The following FCHSD2 variants were observed in gnomAD, a reference collection of about 807,000 sequenced individuals.
FCHSD2 encodes the protein FCH and double SH3 domains 2.
FCHSD2 carries 38 observed loss-of-function variants against 108.1 expected under a neutral mutation model. The ratio of observed to expected loss-of-function variants is 0.35; its 90% CI spans 0.27 to 0.46. FCHSD2 has a LOEUF of 0.46. Among genes scored for constraint, FCHSD2 ranks in the 20% least tolerant of loss-of-function variants. FCHSD2 has a pLI of 1.00. For missense variants in FCHSD2, 751 were observed against 897.8 expected, an observed-to-expected ratio of 0.84 and a Z score of 2.09; for synonymous variants, 279 against 314.7, an observed-to-expected ratio of 0.89 and a Z score of 1.20.
intron 2 of FCHSD2, among the ~76,000 whole-genome samples, chr11:73,128,489 A>G (rs1860912169): frequency 6.6e-6 from 1 of 152,156 alleles, no homozygotes; most frequent in South Asian, 2.1e-4. Flanking sequence ...AAACACAGAT[A>G]ATGAAATATA....
At chr11:72,949,878 T>C (rs1856590284) in intron 8 of FCHSD2, among the ~76,000 whole-genome samples, 1 of 152,238 alleles carries the variant, frequency 6.6e-6, no homozygotes, top group Non-Finnish European at 1.5e-5. Context: ...TTTTCAGTTC[T>C]CTTGGGTATA....
intron 8 of FCHSD2, among the ~76,000 whole-genome samples, chr11:72,938,587 T>A (rs905513854): frequency 1.3e-5 from 2 of 152,122 alleles, no homozygotes; most frequent in Admixed American, 1.3e-4. Flanking sequence ...GGTGAGCAGA[T>A]CACAGCATCT....
intron 13 of FCHSD2, among the ~76,000 whole-genome samples, chr11:72,857,251 ACT>A (rs1292641971): frequency 6.6e-6 from 1 of 151,664 alleles, no homozygotes; most frequent in Non-Finnish European, 1.5e-5. Flanking sequence ...TTCCTCTTCC[ACT>A]CTCTTAACTG....
chr11:72,898,714 T>C (rs896954894), intron 10 of FCHSD2, among the ~76,000 whole-genome samples: 13 of 140,680 alleles, frequency 9.2e-5, no homozygotes, highest in Non-Finnish European at 1.4e-4. Context: ...GCAAAGCAAA[T>C]TGCTTTTCTT....
intron 3 of FCHSD2, among the ~76,000 whole-genome samples, chr11:73,082,661 T>G (rs947067497): frequency 6.6e-6 from 1 of 152,170 alleles, no homozygotes; most frequent in South Asian, 2.1e-4. Flanking sequence ...GCAGCAATAG[T>G]GGTTACCATG....
chr11:72,942,299 T>G (rs1007009785), intron 8 of FCHSD2, among the ~76,000 whole-genome samples: 1 of 152,270 alleles, frequency 6.6e-6, no homozygotes, highest in African/African-American at 2.4e-5. Context: ...GTAAGTTTCC[T>G]GAGGCCTCAC....
chr11:72,911,227 C>A (rs770997567), intron 9 of FCHSD2, among the ~76,000 whole-genome samples: 1 of 152,198 alleles, frequency 6.6e-6, no homozygotes, highest in Non-Finnish European at 1.5e-5. Context: ...TTCTCCAGCA[C>A]CATTTATTGA....
intron 5 of FCHSD2, among the ~76,000 whole-genome samples, chr11:72,992,490 C>G (rs1471728916): frequency 6.6e-6 from 1 of 152,188 alleles, no homozygotes; most frequent in Non-Finnish European, 1.5e-5. Flanking sequence ...AGGCATCACA[C>G]TACCTGACTT....
intron 3 of FCHSD2, chr11:73,077,792 C>A: frequency 1.8e-5 from 5 of 271,782 alleles, no homozygotes; most frequent in South Asian, 1.3e-4. Context: ...CAGGAAAACT[C>A]TGGGGGCTTA....
At chr11:73,079,576 G>T (rs1339590134) in intron 3 of FCHSD2, among the ~76,000 whole-genome samples, 12 of 152,114 alleles carry the variant, frequency 7.9e-5, no homozygotes, top group Admixed American at 7.9e-4. Context: ...AAATAAGCCT[G>T]AAATAATCAA....
intron 9 of FCHSD2, 57 bp from the exon 10 acceptor site, chr11:72,902,695 A>T: frequency 9.6e-7 from 1 of 1,045,402 alleles, no homozygotes; most frequent in South Asian, 1.5e-5. Context: ...GTCCAATTAC[A>T]TTATAAAGTT....
intron 3 of FCHSD2, among the ~76,000 whole-genome samples, chr11:73,047,971 G>C (rs531269701): frequency 6.6e-6 from 1 of 152,028 alleles, no homozygotes. Context: ...GTTAACAAAT[G>C]GTGGAGCCAT....
chr11:73,121,160 TATACAC>T (rs761359286), intron 2 of FCHSD2, among the ~76,000 whole-genome samples: 29 of 150,192 alleles, frequency 1.9e-4, no homozygotes, highest in Non-Finnish European at 1.5e-5. Flanking sequence ...CTCTCTCTCT[TATACAC>T]ATACACATAC....
Position 72,858,166 on chromosome 11 carries a change from G to A in FCHSD2, c.1309-8277C>T, listed in dbSNP as rs533720545. Among the ~76,000 whole-genome samples the A allele has an allele frequency of 3.3e-5, 5 of 152,330 alleles. No individual in the cohort carries two copies. The South Asian group carries it at 1.0e-3, about 32-fold the overall frequency. On this transcript the variant is annotated intron_variant, in intron 13 of 19. Transcript: ENST00000409418. ...GTAATACCTAATACAGAGGAAGACA[G>A]CTCCTCAATATTTACTAATAGAATC...
At chr11:72,984,247 C>A (rs1255555877) in intron 7 of FCHSD2, 31 bp from the exon 8 acceptor site, 8 of 1,605,408 alleles carry the variant, frequency 5.0e-6, no homozygotes, top group Non-Finnish European at 6.8e-6. Context: ...ATAATCAGTG[C>A]AAACTGATAT....
At chr11:73,052,427 C>A (rs1858922535) in intron 3 of FCHSD2, among the ~76,000 whole-genome samples, 1 of 151,896 alleles carries the variant, frequency 6.6e-6, no homozygotes. Flanking sequence ...AAAAAAGACA[C>A]CTGTCTAAAC....
At chr11:72,943,384 A>C (rs893892502) in intron 8 of FCHSD2, among the ~76,000 whole-genome samples, 3 of 152,230 alleles carry the variant, frequency 2.0e-5, no homozygotes, top group African/African-American at 7.2e-5. Flanking sequence ...AGGACTACTG[A>C]ATAGAATTCC....
At chr11:72,888,909 A>G (rs1386843780) in intron 11 of FCHSD2, among the ~76,000 whole-genome samples, 1 of 152,150 alleles carries the variant, frequency 6.6e-6, no homozygotes, top group Non-Finnish European at 1.5e-5. Flanking sequence ...GGCGTGAGCC[A>G]CTGCGCCCAG....
chr11:72,897,129 G>A (rs1028102765), intron 10 of FCHSD2, among the ~76,000 whole-genome samples: 2 of 151,976 alleles, frequency 1.3e-5, no homozygotes, highest in Non-Finnish European at 2.9e-5. Context: ...CACCACGCCC[G>A]GCCGTCCTGT....
Sources: allele counts gnomAD v4.1 joint callset (sites outside exome capture counted in the v4.1 genomes callset), GRCh38; gene constraint gnomAD v4.1.1; transcripts MANE v1.5; gene names NCBI Gene and HGNC (gene_info 2026-07-23, HGNC 2026-07-21).